Variants in SPNS3 observed in about 807,000 individuals in gnomAD.
SPNS3 encodes protein spinster homolog 3.
In SPNS3, 51 loss-of-function variants were observed where a neutral mutation model predicts 54.4. The observed-to-expected ratio is 0.94, with a 90% CI of 0.75 to 1.18. The LOEUF (loss-of-function observed/expected upper bound fraction) is 1.18, where lower values mean the gene tolerates loss of function less well. Ranked by LOEUF, SPNS3 falls within the 50% of genes most tolerant of loss-of-function variation. SPNS3 has a pLI of 0.00. For synonymous variants in SPNS3, 309 were observed against 294.7 expected (o/e 1.05, Z -0.50); for missense variants, 669 against 677.4 (o/e 0.99, Z 0.14).
chr17:4,467,718 G>C lies in SPNS3; in HGVS notation c.1114-10854G>C, dbSNP rs183070802. ...GAATCTCGCTCTGTCGCCCACGCTG[G>C]AGTGCGGTGTGATCTCGGCTCACTG... On this transcript the variant is annotated intron_variant, in intron 8 of 11. Transcript: ENST00000355530. Among the ~76,000 whole-genome samples the C allele has an allele frequency of 2.0e-5, 3 of 152,294 alleles. No homozygotes were observed. In the East Asian group the frequency reaches 5.8e-4, roughly 29 times the overall value.
Position 4,452,998 on chromosome 17 carries a change from T to G in SPNS3, c.924-18T>G, listed in dbSNP as rs1674247426. On this transcript the variant is annotated intron_variant, in intron 7 of 11. Transcript: ENST00000355530. ...AGCTCACCCAGCTGACCAACCCTTC[T>G]GTGCTCTTCCCCATCAGCCTGATTT... 1 of 1,608,898 alleles carries G rather than the reference T, an allele frequency of 6.2e-7. No individual in the cohort carries two copies.
In SPNS3 at chr17:4,483,637, C is replaced by T. The variant is rs1286003459; in HGVS notation, c.1180-2591C>T. ...GCCTCACCTGCCTTCCCAGAGCCACCAGTGAGTAATCACATAATTATGGGG... is the reference window on the plus strand; with the variant it reads ...GCCTCACCTGCCTTCCCAGAGCCACTAGTGAGTAATCACATAATTATGGGG... On this transcript the variant is annotated intron_variant, in intron 9 of 11. Coordinates refer to ENST00000355530, the MANE Select transcript of SPNS3 (RefSeq NM_182538.5). This position sits in a 1 kb window ranked among gnomAD's most constrained non-coding sequence, Gnocchi z 4.2. 2 of 152,296 alleles carry T rather than the reference C, an allele frequency of 1.3e-5. No homozygotes were observed. Among genetic ancestry groups the T allele is most frequent in the Non-Finnish European group, 2.9e-5 (2 of 68,078 alleles). 9.4% of individuals were successfully genotyped at this position (152,296 alleles called of 1,614,324 possible). A position where few individuals can be genotyped will look rare whatever the true frequency, so the allele number is the denominator to read the frequency against.
At chr17:4,465,120 A>G (rs934616181) in intron 8 of SPNS3, among the ~76,000 whole-genome samples, 1 of 152,216 alleles carries the variant, frequency 6.6e-6, no homozygotes, top group Non-Finnish European at 1.5e-5. Context: ...ACTTGGTGTT[A>G]GCTAGGCTGG....
At chr17:4,434,222 G>T in intron 1 of SPNS3, 56 bp downstream of exon 1, 2 of 1,504,310 alleles carry the variant, frequency 1.3e-6, no homozygotes, top group Admixed American at 1.9e-5. Context: ...ACCAGCCAGG[G>T]GCTGCAGATC....
chr17:4,435,873 G>A (rs982576353), intron 1 of SPNS3, among the ~76,000 whole-genome samples: 3 of 152,030 alleles, frequency 2.0e-5, no homozygotes, highest in Non-Finnish European at 2.9e-5. Flanking sequence ...CGGAGGTTGC[G>A]GTGAGCTGAG....
chr17:4,468,714 C>CTTT (rs1567569931), intron 8 of SPNS3, among the ~76,000 whole-genome samples: 5 of 79,002 alleles, frequency 6.3e-5, no homozygotes, highest in Non-Finnish European at 1.2e-4. Flanking sequence ...ATTTCTCTCT[C>CTTT]TCTTTCTTTT....
At chr17:4,477,625 G>A (rs1972037813) in intron 8 of SPNS3, among the ~76,000 whole-genome samples, 3 of 152,202 alleles carry the variant, frequency 2.0e-5, no homozygotes, top group Admixed American at 2.0e-4. Context: ...CTGGGAGCAG[G>A]GCTGGGGGTG....
chr17:4,458,596 T>C (rs113539822), intron 8 of SPNS3, among the ~76,000 whole-genome samples: 1,843 of 70,088 alleles, frequency 0.026, 104 homozygotes, highest in African/African-American at 0.15. Flanking sequence ...CTCCTTTCTT[T>C]CTTTCTTTCT....
chr17:4,451,868 G>T (rs145458541), intron 7 of SPNS3, among the ~76,000 whole-genome samples: 2 of 150,086 alleles, frequency 1.3e-5, no homozygotes, highest in Non-Finnish European at 3.0e-5. Flanking sequence ...TAGTAGAGAC[G>T]GGGTTTTGCT....
At chr17:4,466,378 A>G (rs1018008921) in intron 8 of SPNS3, among the ~76,000 whole-genome samples, 5 of 151,830 alleles carry the variant, frequency 3.3e-5, no homozygotes, top group Non-Finnish European at 7.4e-5. Context: ...TGCCTCTACT[A>G]AAAATACAAA....
intron 11 of SPNS3, among the ~76,000 whole-genome samples, chr17:4,487,187 A>G (rs1381981173): frequency 6.7e-6 from 1 of 149,892 alleles, no homozygotes. Flanking sequence ...AAAAAAAAAA[A>G]AAAAGGGACA....
chr17:4,472,581 G>A (rs1040739693), intron 8 of SPNS3, among the ~76,000 whole-genome samples: 1 of 152,056 alleles, frequency 6.6e-6, no homozygotes, highest in African/African-American at 2.4e-5. Flanking sequence ...AGTGGAGTCC[G>A]TGATTGGAGC....
intron 8 of SPNS3, among the ~76,000 whole-genome samples, chr17:4,467,148 C>T (rs1971697908): frequency 6.6e-6 from 1 of 151,908 alleles, no homozygotes; most frequent in Non-Finnish European, 1.5e-5. Flanking sequence ...GCGATGAAGT[C>T]AGAGGTCACG....
At chr17:4,484,218 T>C (rs1227994300) in intron 9 of SPNS3, among the ~76,000 whole-genome samples, 1 of 152,224 alleles carries the variant, frequency 6.6e-6, no homozygotes, top group African/African-American at 2.4e-5. Context: ...GTTTTCCTCA[T>C]CTGTAAAAAT....
intron 8 of SPNS3, among the ~76,000 whole-genome samples, chr17:4,458,224 C>T (rs969298088): frequency 1.3e-5 from 2 of 152,152 alleles, no homozygotes; most frequent in African/African-American, 2.4e-5. Context: ...TCCTGGTCTC[C>T]GTGTCTTCCT....
At chr17:4,470,127 G>A (rs1419277893) in intron 8 of SPNS3, among the ~76,000 whole-genome samples, 5 of 151,946 alleles carry the variant, frequency 3.3e-5, no homozygotes, top group Non-Finnish European at 5.9e-5. Context: ...CAGATTTATT[G>A]AGATACAATT....
chr17:4,441,507 A>T (rs1970846687), intron 2 of SPNS3, among the ~76,000 whole-genome samples: 1 of 152,248 alleles, frequency 6.6e-6, no homozygotes, highest in African/African-American at 2.4e-5. Flanking sequence ...TCTGTGGCCA[A>T]AGTGAGACCA....
At chr17:4,447,882 C>G (rs1971039697) in intron 5 of SPNS3, among the ~76,000 whole-genome samples, 1 of 152,136 alleles carries the variant, frequency 6.6e-6, no homozygotes, top group African/African-American at 2.4e-5. Flanking sequence ...CCACTGACCT[C>G]AAAAGACTGG....
chr17:4,484,198 C>T (rs532067649), intron 9 of SPNS3, among the ~76,000 whole-genome samples: 2 of 152,340 alleles, frequency 1.3e-5, no homozygotes, highest in South Asian at 2.1e-4. Flanking sequence ...CACTTGCCCT[C>T]CCTGTGGAGG....
Sources: allele counts gnomAD v4.1 joint callset (sites outside exome capture counted in the v4.1 genomes callset), GRCh38; gene constraint gnomAD v4.1.1; non-coding constraint Gnocchi (gnomAD v3.1); transcripts MANE v1.5; gene names NCBI Gene and HGNC (gene_info 2026-07-23, HGNC 2026-07-21).